The following WDR7 variants were observed in gnomAD, a reference collection of about 807,000 sequenced individuals.
WDR7 encodes WD repeat-containing protein 7.
WDR7 carries 46 observed loss-of-function variants against 169.4 expected under a neutral mutation model. The observed-to-expected ratio is 0.27, with a 90% CI of 0.21 to 0.35. The LOEUF is 0.35. Ranked by LOEUF, WDR7 falls within the 10% of genes least tolerant of loss-of-function variation. WDR7 has a pLI of 1.00. For missense variants in WDR7, 1,534 were observed against 1,859.3 expected, an observed-to-expected ratio of 0.83 and a Z score of 3.22; for synonymous variants, 612 against 666.8, an observed-to-expected ratio of 0.92 and a Z score of 1.27.
intron 5 of WDR7, among the ~76,000 whole-genome samples, chr18:56,683,540 G>A (rs79412998): frequency 2.6e-5 from 4 of 152,144 alleles, no homozygotes; most frequent in Admixed American, 2.0e-4. Context: ...CACTACCACC[G>A]GTATCAGCAG....
intron 19 of WDR7, among the ~76,000 whole-genome samples, chr18:56,806,736 G>T (rs1043286017): frequency 5.3e-5 from 8 of 152,126 alleles, no homozygotes; most frequent in Non-Finnish European, 1.0e-4. Context: ...GAAGCTAAGG[G>T]TATGTCTTTG....
At chr18:56,841,024 C>T (rs2045477302) in intron 20 of WDR7, among the ~76,000 whole-genome samples, 1 of 151,790 alleles carries the variant, frequency 6.6e-6, no homozygotes, top group Non-Finnish European at 1.5e-5. Context: ...AATCCCATCT[C>T]TACTAAAAAT....
At chr18:56,868,213 C>T (rs17683317) in intron 20 of WDR7, among the ~76,000 whole-genome samples, 2,299 of 152,094 alleles carry the variant, frequency 0.015, 25 homozygotes, top group South Asian at 0.03. Flanking sequence ...TTACTCCAAA[C>T]GAACCTTTAA....
At chr18:56,733,097 C>T (rs138271147) in intron 14 of WDR7, among the ~76,000 whole-genome samples, 58 of 152,096 alleles carry the variant, frequency 3.8e-4, no homozygotes, top group African/African-American at 1.1e-3. Flanking sequence ...TATTTTATAG[C>T]GCAATTAGTG....
At chr18:56,673,955 T>C (rs1222828815) in intron 2 of WDR7, among the ~76,000 whole-genome samples, 1 of 152,264 alleles carries the variant, frequency 6.6e-6, no homozygotes, top group Non-Finnish European at 1.5e-5. Flanking sequence ...ATGTGTTTTT[T>C]TATGACTGGC....
At chr18:57,007,503 T>C (rs2048079099) in intron 26 of WDR7, among the ~76,000 whole-genome samples, 1 of 152,142 alleles carries the variant, frequency 6.6e-6, no homozygotes, top group Non-Finnish European at 1.5e-5. Flanking sequence ...TGTTTTTGAT[T>C]GCAGAAATTT....
In WDR7 at chr18:56,962,462, A is replaced by G; in HGVS notation, c.4097A>G (p.His1366Arg). Residue 1366 changes from histidine to arginine, a missense_variant, in exon 26 of 28, where the codon CAC becomes CGC. His to Arg is a conservative substitution (Grantham distance 29, BLOSUM62 0). Transcript: ENST00000254442. ...ATGGTCAGCTATTATGAGCGGAATC[A>G]CAGAATAGCAGTTGGAGCTCGCCAT... ...FYMVSYYERN[H>R]RIAVGARHGS... The G allele has an allele frequency of 6.2e-7, 1 of 1,613,108 alleles. No individual in the cohort carries two copies. Among genetic ancestry groups the G allele is most frequent in the Middle Eastern group, 1.7e-4 (1 of 6,058 alleles).
At chr18:56,854,781 G>A (rs941803189) in intron 20 of WDR7, among the ~76,000 whole-genome samples, 19 of 152,152 alleles carry the variant, frequency 1.2e-4, no homozygotes, top group African/African-American at 4.3e-4. Context: ...AAGACAGGAA[G>A]GGTGAGGAAG....
chr18:56,832,701 G>A (rs575291529), intron 20 of WDR7, among the ~76,000 whole-genome samples: 1 of 152,302 alleles, frequency 6.6e-6, no homozygotes, highest in East Asian at 1.9e-4. Context: ...GGCAAACAGG[G>A]TCTGGAGTGG....
chr18:56,750,613 ATAC>A (rs1402039938), intron 14 of WDR7, among the ~76,000 whole-genome samples: 2 of 152,248 alleles, frequency 1.3e-5, no homozygotes, highest in East Asian at 3.8e-4. Flanking sequence ...CAGCGGAAAC[ATAC>A]TAAGCTTCCT....
chr18:56,769,047 C>T (rs1286448726), intron 16 of WDR7, among the ~76,000 whole-genome samples: 1 of 152,088 alleles, frequency 6.6e-6, no homozygotes, highest in African/African-American at 2.4e-5. Flanking sequence ...CAATAATTAA[C>T]ATTTATTGTC....
intron 26 of WDR7, among the ~76,000 whole-genome samples, chr18:56,966,235 G>A (rs2047407000): frequency 6.6e-6 from 1 of 152,146 alleles, no homozygotes; most frequent in African/African-American, 2.4e-5. Context: ...TTTGGACTGT[G>A]TGGGTTCACC....
At chr18:56,699,332 T>C (rs896261776) in intron 12 of WDR7, among the ~76,000 whole-genome samples, 2 of 152,236 alleles carry the variant, frequency 1.3e-5, no homozygotes, top group Non-Finnish European at 2.9e-5. Flanking sequence ...ATACTGATTC[T>C]AATGCTTGAA....
intron 26 of WDR7, among the ~76,000 whole-genome samples, chr18:56,985,264 G>T (rs2047697559): frequency 6.6e-6 from 1 of 151,988 alleles, no homozygotes; most frequent in African/African-American, 2.4e-5. Flanking sequence ...TGCATATATT[G>T]TCAACATGAA....
chr18:56,783,787 G>A (rs2044354226), intron 19 of WDR7, among the ~76,000 whole-genome samples: 1 of 152,128 alleles, frequency 6.6e-6, no homozygotes, highest in African/African-American at 2.4e-5. Context: ...TCTTGACAGA[G>A]AAAAACGTTG....
chr18:56,934,374 G>C (rs1163199723), intron 22 of WDR7, among the ~76,000 whole-genome samples: 1 of 152,014 alleles, frequency 6.6e-6, no homozygotes, highest in East Asian at 1.9e-4. Flanking sequence ...AGCTCCTACT[G>C]GGACCCAAGA....
At chr18:56,921,820 G>A (rs958466791) in intron 21 of WDR7, among the ~76,000 whole-genome samples, 2 of 152,140 alleles carry the variant, frequency 1.3e-5, no homozygotes, top group Non-Finnish European at 2.9e-5. Context: ...GGAAAAAATT[G>A]TCCAGAGCGG....
chr18:56,771,435 G>GGAAA (rs916345071), intron 16 of WDR7, among the ~76,000 whole-genome samples: 1 of 151,914 alleles, frequency 6.6e-6, no homozygotes, highest in African/African-American at 2.4e-5. Flanking sequence ...AAAATGTGTA[G>GGAAA]GAAAGGTGGA....
chr18:56,862,320 G>A (rs1239250875), intron 20 of WDR7, among the ~76,000 whole-genome samples: 2 of 151,336 alleles, frequency 1.3e-5, no homozygotes, highest in Admixed American at 6.6e-5. Flanking sequence ...TGTTTATGTT[G>A]TAATTATAGC....
Sources: allele counts gnomAD v4.1 joint callset (sites outside exome capture counted in the v4.1 genomes callset), GRCh38; gene constraint gnomAD v4.1.1; transcripts MANE v1.5; gene names NCBI Gene and HGNC (gene_info 2026-07-23, HGNC 2026-07-21).